Variants in STXBP4 observed in about 807,000 individuals in gnomAD.
The protein encoded by STXBP4 is syntaxin binding protein 4.
A neutral mutation model predicts 76.1 loss-of-function variants in STXBP4; 55 were observed. That is an observed-to-expected ratio of 0.72 (90% CI 0.58 to 0.91). The LOEUF is 0.91. Among genes scored for constraint, STXBP4 ranks in the 40% least tolerant of loss-of-function variants. STXBP4 has a pLI of 0.00. For missense variants in STXBP4, 618 were observed against 636.9 expected, an observed-to-expected ratio of 0.97 and a Z score of 0.32; for synonymous variants, 201 against 220.2, an observed-to-expected ratio of 0.91 and a Z score of 0.77.
chr17:54,972,211 G>A (rs966386135), intron 1 of STXBP4, among the ~76,000 whole-genome samples: 4 of 152,240 alleles, frequency 2.6e-5, no homozygotes, highest in Non-Finnish European at 4.4e-5. Context: ...AATAGGCAAT[G>A]TGTGTTTTGT....
At chr17:55,040,654 A>G (rs1226240076) in intron 10 of STXBP4, among the ~76,000 whole-genome samples, 1 of 152,170 alleles carries the variant, frequency 6.6e-6, no homozygotes, top group Non-Finnish European at 1.5e-5. Context: ...GACCTATAGT[A>G]TGTATTTCTT....
At chr17:55,047,242 G>A (rs2078803308) in intron 12 of STXBP4, 88 bp downstream of exon 12, 1 of 746,992 alleles carries the variant, frequency 1.3e-6, no homozygotes, top group East Asian at 2.8e-5. Context: ...TAATTATAAA[G>A]CAGTGGTTCT....
intron 16 of STXBP4, among the ~76,000 whole-genome samples, chr17:55,086,214 T>G (rs2079326035): frequency 1.3e-5 from 2 of 152,186 alleles, no homozygotes; most frequent in Non-Finnish European, 2.9e-5. Flanking sequence ...CCAGGCTGGT[T>G]ATAAATTAAT....
intron 4 of STXBP4, among the ~76,000 whole-genome samples, chr17:54,994,807 CT>C (rs964938596): frequency 4.7e-4 from 69 of 145,662 alleles, no homozygotes; most frequent in Middle Eastern, 3.6e-3. Flanking sequence ...GCGAATTTCT[CT>C]TTTTTTTTTT....
chr17:55,076,720 T>C lies in STXBP4; in HGVS notation c.1189-1358T>C, dbSNP rs368584379. Among the ~76,000 whole-genome samples, 16 of 152,314 alleles carry C rather than the reference T, an allele frequency of 1.1e-4. No homozygotes were observed. The South Asian group carries it at 3.3e-3, about 32-fold the overall frequency. On this transcript the variant is annotated intron_variant, in intron 13 of 17. Coordinates refer to ENST00000376352, the MANE Select transcript of STXBP4 (RefSeq NM_178509.6). Reference sequence around the variant, plus strand: ...CCATTTCTGGAAATCACTAAGCTATTATCCTGAGCGATTTCTCTTTCATTC... The same window carrying C: ...CCATTTCTGGAAATCACTAAGCTATCATCCTGAGCGATTTCTCTTTCATTC...
intron 16 of STXBP4, among the ~76,000 whole-genome samples, chr17:55,097,401 T>A (rs112860091): frequency 3.9e-5 from 6 of 152,296 alleles, no homozygotes; most frequent in Admixed American, 3.3e-4. Context: ...CGGTGGCTCA[T>A]GCCTGTAATC....
intron 17 of STXBP4, among the ~76,000 whole-genome samples, 183 bp from the exon 18 acceptor site, chr17:55,159,614 A>G (rs12453439): frequency 0.035 from 5,350 of 152,336 alleles, 124 homozygotes; most frequent in Middle Eastern, 0.092. Flanking sequence ...AGAAAGAAAG[A>G]AATGGTTTTC....
downstream of STXBP4, among the ~76,000 whole-genome samples, chr17:55,175,567 A>G (rs951160311): frequency 2.0e-5 from 3 of 152,086 alleles, no homozygotes; most frequent in African/African-American, 7.3e-5. Context: ...CTGCTCATAG[A>G]TATGTGGTGA....
intron 17 of STXBP4, among the ~76,000 whole-genome samples, chr17:55,157,754 G>A (rs1036876236): frequency 1.1e-4 from 17 of 152,086 alleles, no homozygotes; most frequent in African/African-American, 4.1e-4. Flanking sequence ...GTATACTATA[G>A]GATTGAAAAC....
chr17:55,096,121 A>G (rs2079482907), intron 16 of STXBP4, among the ~76,000 whole-genome samples: 1 of 152,016 alleles, frequency 6.6e-6, no homozygotes, highest in South Asian at 2.1e-4. Context: ...TTGCTCTGTA[A>G]CTATAGGTTT....
chr17:54,982,271 A>G (rs1019637743), intron 1 of STXBP4, among the ~76,000 whole-genome samples: 1 of 152,162 alleles, frequency 6.6e-6, no homozygotes, highest in Non-Finnish European at 1.5e-5. Flanking sequence ...TCTTACTCAA[A>G]CACCATATGC....
chr17:55,043,987 A>G (rs2144746912), intron 11 of STXBP4: 3 of 217,644 alleles, frequency 1.4e-5, no homozygotes, highest in Non-Finnish European at 2.7e-5. Flanking sequence ...TAACTGGGAC[A>G]ACATGTCCAT....
In STXBP4 at chr17:55,034,259, G is replaced by A. The variant is rs781231809; in HGVS notation, c.855G>A (p.Gln285=). The change falls in exon 10 of 18, where the codon CAG becomes CAA. Residue 285 remains glutamine (Q), a splice_region_variant and synonymous_variant. Transcript: ENST00000376352. ...AAATTTCCAATATATTAGATTCACA[G>A]GTAGAGTATGCCCTATAGAATTGCT... is the stretch of plus-strand genomic sequence containing the variant. ...AHEISNILDS[Q]LLPCDSSEAD... The A allele has an allele frequency of 2.1e-5, 33 of 1,607,112 alleles. No individual in the cohort carries two copies. Among genetic ancestry groups the A allele is most frequent in the South Asian group, 4.4e-5 (4 of 90,114 alleles).
At chr17:55,032,443 G>A (rs1350130288) in intron 9 of STXBP4, among the ~76,000 whole-genome samples, 1 of 152,132 alleles carries the variant, frequency 6.6e-6, no homozygotes, top group Non-Finnish European at 1.5e-5. Flanking sequence ...GCCCAAGTGT[G>A]TGAAGATAGA....
At chr17:55,082,710 G>A (rs574311034) in intron 16 of STXBP4, among the ~76,000 whole-genome samples, 27 of 152,072 alleles carry the variant, frequency 1.8e-4, no homozygotes, top group Admixed American at 9.2e-4. Flanking sequence ...CATTCTTAGT[G>A]GGAACCTCTA....
rs543386424 is a variant in STXBP4, at chr17:55,004,024, A to G, written c.574+3141A>G. ...CTGTCTCTACTAAAAATAGAAAAAA[A>G]AAAAATTAGCCAGGCACAGTGGTGC... On this transcript the variant is annotated intron_variant, in intron 7 of 17. Coordinates refer to ENST00000376352, the MANE Select transcript of STXBP4 (RefSeq NM_178509.6). Among the ~76,000 whole-genome samples, 11 of 152,002 alleles carry G rather than the reference A, an allele frequency of 7.2e-5. No individual in the cohort carries two copies. The South Asian group carries it at 2.3e-3, about 32-fold the overall frequency.
chr17:55,056,906 A>G (rs959672237), intron 12 of STXBP4, among the ~76,000 whole-genome samples: 12 of 152,234 alleles, frequency 7.9e-5, no homozygotes, highest in African/African-American at 2.9e-4. Context: ...TAAATTTAGC[A>G]GTATGAAGAA....
At chr17:55,142,876 G>A (rs1352481802) in intron 17 of STXBP4, among the ~76,000 whole-genome samples, 2 of 152,098 alleles carry the variant, frequency 1.3e-5, no homozygotes, top group African/African-American at 2.4e-5. Context: ...ATTACATTTA[G>A]TGCCACACTC....
intron 7 of STXBP4, among the ~76,000 whole-genome samples, chr17:55,006,235 T>C (rs2144533236): frequency 6.6e-6 from 1 of 152,272 alleles, no homozygotes; most frequent in East Asian, 1.9e-4. Context: ...ATATTAAAGA[T>C]TTTACATAGA....
Sources: allele counts gnomAD v4.1 joint callset (sites outside exome capture counted in the v4.1 genomes callset), GRCh38; gene constraint gnomAD v4.1.1; transcripts MANE v1.5; gene names NCBI Gene and HGNC (gene_info 2026-07-23, HGNC 2026-07-21).